The following CA10 variants were observed in gnomAD, a reference collection of about 807,000 sequenced individuals.
CA10 encodes the protein carbonic anhydrase 10 (inactive), also known as carbonic anhydrase-related protein 10.
A neutral mutation model predicts 44.2 loss-of-function variants in CA10; 14 were observed. The observed-to-expected ratio is 0.32, with a 90% CI of 0.21 to 0.50. CA10 has a LOEUF of 0.50. CA10 is among the 20% of genes least tolerant of loss of function. CA10 has a pLI of 0.99. For missense variants in CA10, 350 were observed against 409.7 expected, an observed-to-expected ratio of 0.85 and a Z score of 1.26; for synonymous variants, 159 against 141.6, an observed-to-expected ratio of 1.12 and a Z score of -0.87.
At chr17:51,912,183 C>T (rs1349642408) in intron 3 of CA10, among the ~76,000 whole-genome samples, 1 of 152,170 alleles carries the variant, frequency 6.6e-6, no homozygotes, top group Non-Finnish European at 1.5e-5. Context: ...AAGGGTATTA[C>T]ATGAGTAGCC....
At chr17:51,938,293 G>A (rs1402872690) in intron 2 of CA10, among the ~76,000 whole-genome samples, 1 of 152,126 alleles carries the variant, frequency 6.6e-6, no homozygotes, top group African/African-American at 2.4e-5. Flanking sequence ...AGGGGGAACA[G>A]CATGAACCAC....
chr17:51,695,203 G>GT (rs1475928034), intron 4 of CA10, among the ~76,000 whole-genome samples: 1 of 152,134 alleles, frequency 6.6e-6, no homozygotes, highest in African/African-American at 2.4e-5. Context: ...AATGATGGTA[G>GT]CTTGATAAGA....
chr17:52,110,790 T>A (rs1459003969), intron 1 of CA10, among the ~76,000 whole-genome samples: 1 of 152,134 alleles, frequency 6.6e-6, no homozygotes, highest in African/African-American at 2.4e-5. Flanking sequence ...ATAGGCTGCC[T>A]TCCTTTGTGG....
intron 3 of CA10, among the ~76,000 whole-genome samples, chr17:51,812,093 A>G (rs1037737699): frequency 2.6e-5 from 4 of 152,196 alleles, no homozygotes; most frequent in Non-Finnish European, 4.4e-5. Context: ...CTGGAAGGCA[A>G]TGGCACCGCT....
chr17:52,042,434 T>C (rs952734707), intron 2 of CA10, among the ~76,000 whole-genome samples: 1 of 152,028 alleles, frequency 6.6e-6, no homozygotes, highest in Non-Finnish European at 1.5e-5. Context: ...CAATTTTAAA[T>C]TAGGGGTTTT....
At chr17:51,709,440 T>G (rs1374478361) in intron 4 of CA10, among the ~76,000 whole-genome samples, 3 of 152,168 alleles carry the variant, frequency 2.0e-5, no homozygotes, top group Non-Finnish European at 4.4e-5. Context: ...TGCTGAGACC[T>G]GAACAATGGG....
At chr17:51,787,946 A>C (rs1906358331) in intron 3 of CA10, among the ~76,000 whole-genome samples, 1 of 151,780 alleles carries the variant, frequency 6.6e-6, no homozygotes, top group Non-Finnish European at 1.5e-5. Flanking sequence ...TTTTCATTTC[A>C]ATTTCATTTA....
intron 1 of CA10, among the ~76,000 whole-genome samples, chr17:52,147,990 A>G (rs1338981671): frequency 6.6e-6 from 1 of 152,218 alleles, no homozygotes; most frequent in Non-Finnish European, 1.5e-5. Flanking sequence ...ACAGCCAAGG[A>G]CAGCAAATCC....
At chr17:51,853,012 C>T (rs1000986915) in intron 3 of CA10, among the ~76,000 whole-genome samples, 15 of 141,366 alleles carry the variant, frequency 1.1e-4, no homozygotes, top group Non-Finnish European at 2.1e-4. Flanking sequence ...AAAATGCATT[C>T]TATTTAGAAA....
At chr17:51,842,198 A>G (rs906667692) in intron 3 of CA10, among the ~76,000 whole-genome samples, 3 of 152,222 alleles carry the variant, frequency 2.0e-5, no homozygotes, top group Admixed American at 2.0e-4. Context: ...TTTTAAGTAT[A>G]TAGCCAACAG....
chr17:51,689,952 A>AT (rs141637521), intron 4 of CA10, among the ~76,000 whole-genome samples: 16,945 of 145,038 alleles, frequency 0.12, 2,080 homozygotes, highest in African/African-American at 0.31. Flanking sequence ...ACTCTTACCG[A>AT]TTTTTTTTTT....
At chr17:51,869,205 C>G (rs1009197500) in intron 3 of CA10, among the ~76,000 whole-genome samples, 1 of 152,082 alleles carries the variant, frequency 6.6e-6, no homozygotes, top group Admixed American at 6.6e-5. Flanking sequence ...AAGTTCATCT[C>G]TATTGATGTT....
At chr17:52,132,660 G>A (rs912614208) in intron 1 of CA10, among the ~76,000 whole-genome samples, 2 of 152,182 alleles carry the variant, frequency 1.3e-5, no homozygotes, top group African/African-American at 2.4e-5. Flanking sequence ...CTGGCCATCT[G>A]AGCACACTTG....
chr17:51,688,549 A>C (rs2143414846), intron 4 of CA10, among the ~76,000 whole-genome samples: 1 of 152,348 alleles, frequency 6.6e-6, no homozygotes, highest in South Asian at 2.1e-4. Flanking sequence ...GTGAGGATTA[A>C]GTGAGATGAT....
intron 5 of CA10, 85 bp from the exon 6 acceptor site, chr17:51,649,339 A>G: frequency 1.0e-6 from 1 of 986,316 alleles, no homozygotes; most frequent in Non-Finnish European, 1.6e-6. Flanking sequence ...ATTCATTCAT[A>G]GTTACTGAGT....
intron 3 of CA10, among the ~76,000 whole-genome samples, chr17:51,927,846 TC>T (rs1336322336): frequency 2.6e-5 from 4 of 152,130 alleles, no homozygotes; most frequent in Admixed American, 1.3e-4. Context: ...AAGAATTATC[TC>T]CCCAACCTCC....
chr17:51,675,524 G>T (rs181166389), intron 4 of CA10, among the ~76,000 whole-genome samples: 38 of 150,110 alleles, frequency 2.5e-4, no homozygotes, highest in African/African-American at 8.3e-4. Flanking sequence ...ACTCCAGCCT[G>T]GGTGACAGAG....
At chr17:52,134,790 G>T (rs1598232884) in intron 1 of CA10, 4 of 499,918 alleles carry the variant, frequency 8.0e-6, no homozygotes, top group East Asian at 1.1e-4. Flanking sequence ...CATGACAGCT[G>T]CCTCTTCCAC....
chr17:51,689,208 AATT>A (rs1567803958), intron 4 of CA10, among the ~76,000 whole-genome samples: 1 of 152,208 alleles, frequency 6.6e-6, no homozygotes, highest in Non-Finnish European at 1.5e-5. Flanking sequence ...AAATAACAGC[AATT>A]ATTATCTGCT....
Sources: gnomAD v4.1 joint callset for allele counts (sites outside exome capture counted in the v4.1 genomes callset) on GRCh38, gnomAD v4.1.1 for gene constraint, MANE v1.5 for transcripts, NCBI Gene and HGNC (gene_info 2026-07-23, HGNC 2026-07-21) for gene names.